The following SLC36A1 variants were observed in gnomAD, a reference collection of about 807,000 sequenced individuals.
SLC36A1 encodes the protein proton-coupled amino acid transporter 1.
Under a neutral mutation model 47.5 loss-of-function variants are expected in SLC36A1, and 30 were observed. That is an observed-to-expected ratio of 0.63 (90% CI 0.47 to 0.86). The LOEUF (loss-of-function observed/expected upper bound fraction) is 0.86. Among genes scored for constraint, SLC36A1 ranks in the 40% least tolerant of loss-of-function variants. SLC36A1 has a pLI of 0.00. For missense variants in SLC36A1, 517 were observed against 606.0 expected, an observed-to-expected ratio of 0.85 and a Z score of 1.54; for synonymous variants, 255 against 249.7, an observed-to-expected ratio of 1.02 and a Z score of -0.20.
the SLC36A1 span, among the ~76,000 whole-genome samples, chr5:151,406,027 C>G: frequency 6.6e-6 from 1 of 152,194 alleles, no homozygotes; most frequent in African/African-American, 2.4e-5. Flanking sequence ...TGCAGCAACA[C>G]TTTAGGAAAG....
At chr5:151,495,067 T>C (rs575265894), downstream of SLC36A1, among the ~76,000 whole-genome samples, 1 of 152,348 alleles carries the variant, frequency 6.6e-6, no homozygotes, top group Admixed American at 6.5e-5. Context: ...TTTTGGCAAA[T>C]TATTTTCCAA....
At chr5:151,373,493 G>C in the SLC36A1 span, among the ~76,000 whole-genome samples, 1 of 152,170 alleles carries the variant, frequency 6.6e-6, no homozygotes, top group Non-Finnish European at 1.5e-5. Context: ...GTGATAGCTT[G>C]TCAGTGTTTA....
chr5:151,509,122 C>T, the SLC36A1 span, among the ~76,000 whole-genome samples: 620 of 152,320 alleles, frequency 4.1e-3, 2 homozygotes, highest in South Asian at 0.012. Flanking sequence ...CCAGGCACAG[C>T]AGCACCTGCC....
chr5:151,368,530 G>T, the SLC36A1 span, among the ~76,000 whole-genome samples: 1 of 152,202 alleles, frequency 6.6e-6, no homozygotes, highest in Non-Finnish European at 1.5e-5. Flanking sequence ...AAAAGTATCT[G>T]TGGGAACTCC....
the SLC36A1 span, among the ~76,000 whole-genome samples, chr5:151,394,237 A>G: frequency 6.6e-6 from 1 of 152,164 alleles, no homozygotes; most frequent in African/African-American, 2.4e-5. Context: ...TTCTCATGCC[A>G]TGGTTTTCAG....
chr5:151,347,627 C>G, the SLC36A1 span: 3 of 715,836 alleles, frequency 4.2e-6, no homozygotes, highest in African/African-American at 5.3e-5. Flanking sequence ...GAGGGCACCT[C>G]TTCCTGCCTG....
At chr5:151,551,367 G>C in the SLC36A1 span, 159 of 1,243,622 alleles carry the variant, frequency 1.3e-4, 1 homozygote, top group South Asian at 2.2e-3. Flanking sequence ...AGTGTTCCTT[G>C]AGGAACACCA....
the SLC36A1 span, chr5:151,505,411 G>A: frequency 1.0e-5 from 9 of 867,092 alleles, no homozygotes; most frequent in Non-Finnish European, 1.6e-5. Context: ...ACTAGGTGGG[G>A]GATTGGAAGA....
the SLC36A1 span, among the ~76,000 whole-genome samples, chr5:151,359,455 A>G: frequency 1.3e-5 from 2 of 152,212 alleles, no homozygotes; most frequent in Non-Finnish European, 2.9e-5. Context: ...CAGCTAGCAA[A>G]TAAGAGGCTA....
the SLC36A1 span, among the ~76,000 whole-genome samples, chr5:151,352,226 T>G: frequency 1.3e-5 from 2 of 152,154 alleles, no homozygotes; most frequent in Non-Finnish European, 2.9e-5. Context: ...ATACCCCTGC[T>G]TTTTTTCATG....
chr5:151,543,095 G>T, the SLC36A1 span: 6 of 1,614,170 alleles, frequency 3.7e-6, no homozygotes, highest in South Asian at 1.1e-5. Context: ...ACCTGAAGTC[G>T]TACTGGCACC....
chr5:151,553,353 G>C, the SLC36A1 span: 1 of 1,614,242 alleles, frequency 6.2e-7, no homozygotes, highest in Non-Finnish European at 8.5e-7. Flanking sequence ...GACACTGGCT[G>C]AGAGTGGTGG....
the SLC36A1 span, among the ~76,000 whole-genome samples, chr5:151,533,860 G>A: frequency 6.6e-6 from 1 of 151,742 alleles, no homozygotes; most frequent in Non-Finnish European, 1.5e-5. Flanking sequence ...AGCTATAATT[G>A]GTACAATATG....
chr5:151,533,591 G>T, the SLC36A1 span, among the ~76,000 whole-genome samples: 1 of 152,058 alleles, frequency 6.6e-6, no homozygotes, highest in African/African-American at 2.4e-5. Context: ...AAACAGAGCA[G>T]GGTGTTTTGA....
At chr5:151,384,695 C>T in the SLC36A1 span, among the ~76,000 whole-genome samples, 8 of 152,318 alleles carry the variant, frequency 5.3e-5, no homozygotes, top group Middle Eastern at 3.4e-3. Flanking sequence ...TAAATACCTT[C>T]GGAGATCGGG....
At chr5:151,378,142 A>G in the SLC36A1 span, 1 of 322,202 alleles carries the variant, frequency 3.1e-6, no homozygotes, top group Non-Finnish European at 6.1e-6. Flanking sequence ...CCATGCAAGA[A>G]AAAGGTGAAA....
Position 151,468,266 on chromosome 5 carries a change from A to AAAAATATATAT in SLC36A1, c.723+342_723+343insAAATATATATA, listed in dbSNP as rs55642458. Among the ~76,000 whole-genome samples, 45 of 63,804 alleles carry AAAAATATATAT rather than the reference A, an allele frequency of 7.1e-4. 1 individual carries two copies. Among genetic ancestry groups the AAAAATATATAT allele is most frequent in the African/African-American group, 4.0e-3 (45 of 11,366 alleles). The allele number at this position is 63,804 out of a possible 152,430, so 41.9% of individuals were successfully genotyped here. A position where few individuals can be genotyped will look rare whatever the true frequency, so the allele number is the denominator to read the frequency against. ...GACTCTGTCTCAAAAAAAAAAAAAA[A>AAAAATATATAT]ATATATATATATATATATATATATA... On this transcript the variant is annotated intron_variant, in intron 7 of 10. Transcript: ENST00000243389.
the SLC36A1 span, among the ~76,000 whole-genome samples, chr5:151,393,469 C>G: frequency 6.6e-6 from 1 of 152,132 alleles, no homozygotes; most frequent in Non-Finnish European, 1.5e-5. Context: ...TTATTTTGCT[C>G]GTCAGTTGAT....
chr5:151,355,929 A>G, the SLC36A1 span, among the ~76,000 whole-genome samples: 1 of 152,260 alleles, frequency 6.6e-6, no homozygotes, highest in Non-Finnish European at 1.5e-5. Flanking sequence ...CAGTGTGAGA[A>G]TATAAGTGGA....
Sources: gnomAD v4.1 joint callset for allele counts (sites outside exome capture counted in the v4.1 genomes callset) on GRCh38, gnomAD v4.1.1 for gene constraint, MANE v1.5 for transcripts, NCBI Gene and HGNC (gene_info 2026-07-23, HGNC 2026-07-21) for gene names.